DDAH1: variants seen among roughly 807,000 people sequenced by gnomAD.
DDAH1 encodes N(G),N(G)-dimethylarginine dimethylaminohydrolase 1.
Under a neutral mutation model 28.8 loss-of-function variants are expected in DDAH1, and 19 were observed. The ratio of observed to expected loss-of-function variants is 0.66; its 90% confidence interval spans 0.46 to 0.97. The LOEUF is 0.97. DDAH1 is among the 50% of genes least tolerant of loss of function. The probability of loss-of-function intolerance (pLI) is 0.00; values close to 1 mark genes in which losing one functional copy is unlikely to be tolerated. For synonymous variants in DDAH1, 153 were observed against 154.4 expected, an observed-to-expected ratio of 0.99 and a Z score of 0.07; for missense variants, 326 against 375.9, an observed-to-expected ratio of 0.87 and a Z score of 1.10.
intron 1 of DDAH1, among the ~76,000 whole-genome samples, chr1:85,574,924 A>T (rs1659558938): frequency 6.6e-6 from 1 of 152,038 alleles, no homozygotes; most frequent in African/African-American, 2.4e-5. Flanking sequence ...ATTATAACAT[A>T]GTTGGGGAGA....
chr1:85,372,876 T>G (rs1650458604), intron 1 of DDAH1, among the ~76,000 whole-genome samples: 1 of 152,072 alleles, frequency 6.6e-6, no homozygotes, highest in Non-Finnish European at 1.5e-5. Flanking sequence ...TCAAGCAGAT[T>G]TATTATAGAT....
At chr1:85,403,200 AATAT>A (rs71682030) in intron 1 of DDAH1, among the ~76,000 whole-genome samples, 1 of 148,030 alleles carries the variant, frequency 6.8e-6, no homozygotes, top group Non-Finnish European at 1.5e-5. Context: ...TATATATATG[AATAT>A]ATATATGAAT....
chr1:85,328,129 TTGTC>T (rs1337708477), intron 4 of DDAH1, among the ~76,000 whole-genome samples: 13 of 152,156 alleles, frequency 8.5e-5, no homozygotes, highest in Non-Finnish European at 5.9e-5. Context: ...AGGCCAAGGT[TTGTC>T]TGTTTTTCAA....
intron 1 of DDAH1, among the ~76,000 whole-genome samples, chr1:85,359,759 A>G (rs1441580426): frequency 6.6e-6 from 1 of 152,214 alleles, no homozygotes; most frequent in African/African-American, 2.4e-5. Context: ...AATCAAACCA[A>G]TGAATATTTG....
chr1:85,403,277 A>G (rs1341574644), intron 1 of DDAH1, among the ~76,000 whole-genome samples: 3 of 151,998 alleles, frequency 2.0e-5, no homozygotes, highest in Non-Finnish European at 4.4e-5. Context: ...ATATATACAT[A>G]TACATATATG....
chr1:85,421,476 GT>G (rs1653138757), intron 1 of DDAH1, among the ~76,000 whole-genome samples: 1 of 151,524 alleles, frequency 6.6e-6, no homozygotes, highest in Admixed American at 6.6e-5. Context: ...TTTTTTTTAA[GT>G]TTGCATACAT....
At chr1:85,575,438 A>G (rs1232995647) in intron 1 of DDAH1, among the ~76,000 whole-genome samples, 1 of 152,194 alleles carries the variant, frequency 6.6e-6, no homozygotes, top group Non-Finnish European at 1.5e-5. Flanking sequence ...AGAACCCCAG[A>G]GGTCCTAAAC....
intron 4 of DDAH1, among the ~76,000 whole-genome samples, chr1:85,334,789 T>G (rs1648003966): frequency 6.6e-6 from 1 of 152,188 alleles, no homozygotes; most frequent in Non-Finnish European, 1.5e-5. Context: ...AATGGATTAC[T>G]ATAGCATCTA....
intron 2 of DDAH1, among the ~76,000 whole-genome samples, chr1:85,475,827 G>T (rs1029029564): frequency 3.3e-5 from 5 of 151,986 alleles, no homozygotes; most frequent in Non-Finnish European, 5.9e-5. Context: ...GAGGTGGTTG[G>T]GTTTTGTTTG....
chr1:85,352,344 C>G (rs948984798), intron 2 of DDAH1, among the ~76,000 whole-genome samples: 3 of 152,068 alleles, frequency 2.0e-5, no homozygotes, highest in African/African-American at 7.2e-5. Flanking sequence ...CCCCGAGCTT[C>G]CAGGATAGCC....
chr1:85,562,962 T>C (rs562392295), intron 1 of DDAH1, among the ~76,000 whole-genome samples: 1 of 152,284 alleles, frequency 6.6e-6, no homozygotes, highest in African/African-American at 2.4e-5. Context: ...ATAATAAAAC[T>C]GGACAAATTA....
intron 4 of DDAH1, among the ~76,000 whole-genome samples, chr1:85,338,528 G>A (rs1354421758): frequency 6.6e-6 from 1 of 152,154 alleles, no homozygotes; most frequent in Admixed American, 6.5e-5. Context: ...TTCTCTCCCT[G>A]CCTTCATGTA....
chr1:85,427,784 A>AT (rs995105875), intron 1 of DDAH1, among the ~76,000 whole-genome samples: 69 of 151,498 alleles, frequency 4.6e-4, no homozygotes, highest in Non-Finnish European at 5.6e-4. Flanking sequence ...TTGAGCATAC[A>AT]TTTTTTTTTC....
intron 1 of DDAH1, among the ~76,000 whole-genome samples, chr1:85,384,984 T>C (rs906989359): frequency 6.6e-6 from 1 of 152,234 alleles, no homozygotes; most frequent in African/African-American, 2.4e-5. Flanking sequence ...GGAGACCTTT[T>C]ATAACTGTAT....
intron 1 of DDAH1, among the ~76,000 whole-genome samples, chr1:85,539,423 G>A (rs530195862): frequency 1.3e-5 from 2 of 152,334 alleles, no homozygotes; most frequent in Admixed American, 6.5e-5. Flanking sequence ...GATTACAGGC[G>A]GGAGCCACCG....
At chr1:85,525,162 C>T (rs1202623414) in intron 1 of DDAH1, among the ~76,000 whole-genome samples, 4 of 151,452 alleles carry the variant, frequency 2.6e-5, no homozygotes, top group African/African-American at 9.7e-5. Context: ...GAGATGCTGA[C>T]TTTTTTTTCT....
chr1:85,452,481 T>C (rs1041075226), intron 1 of DDAH1, among the ~76,000 whole-genome samples: 10 of 152,190 alleles, frequency 6.6e-5, no homozygotes, highest in Non-Finnish European at 1.5e-5. Context: ...AGCTATATTA[T>C]GGGTTGCGAA....
At chr1:85,333,109 C>T (rs913137544) in intron 4 of DDAH1, among the ~76,000 whole-genome samples, 48 of 152,222 alleles carry the variant, frequency 3.2e-4, no homozygotes, top group African/African-American at 1.1e-3. Flanking sequence ...CCGCTGCCAA[C>T]AGCAGGGCCT....
At chr1:85,363,769 C>A (rs1381006895) in intron 1 of DDAH1, among the ~76,000 whole-genome samples, 1 of 152,226 alleles carries the variant, frequency 6.6e-6, no homozygotes, top group East Asian at 1.9e-4. Flanking sequence ...TGTTAATCAG[C>A]ACATCTTTGG....
Sources: allele counts gnomAD v4.1 joint callset (sites outside exome capture counted in the v4.1 genomes callset), GRCh38; gene constraint gnomAD v4.1.1; transcripts MANE v1.5; gene names NCBI Gene and HGNC (gene_info 2026-07-23, HGNC 2026-07-21).